The following HECW2 variants were observed in gnomAD, a reference collection of about 807,000 sequenced individuals.
HECW2 encodes HECT, C2 and WW domain containing E3 ubiquitin protein ligase 2.
A neutral mutation model predicts 175.2 loss-of-function variants in HECW2; 61 were observed. The ratio of observed to expected loss-of-function variants is 0.35; its 90% CI spans 0.28 to 0.43. The LOEUF (loss-of-function observed/expected upper bound fraction) is 0.43, where lower values mean the gene tolerates loss of function less well. Among genes scored for constraint, HECW2 ranks in the 20% least tolerant of loss-of-function variants. The probability of loss-of-function intolerance (pLI) is 1.00; values close to 1 mark genes in which losing one functional copy is unlikely to be tolerated. For synonymous variants in HECW2, 671 were observed against 731.0 expected (o/e 0.92, Z 1.32); for missense variants, 1,524 against 2,000.5 (o/e 0.76, Z 4.54).
At chr2:196,235,051 A>G (rs559447071) in intron 21 of HECW2, among the ~76,000 whole-genome samples, 1 of 152,208 alleles carries the variant, frequency 6.6e-6, no homozygotes, top group South Asian at 2.1e-4. Context: ...TTGGTGATGA[A>G]CTAATCAACT....
chr2:196,455,601 G>A (rs556629843), intron 1 of HECW2, among the ~76,000 whole-genome samples: 57 of 152,206 alleles, frequency 3.7e-4, no homozygotes, highest in South Asian at 3.1e-3. Flanking sequence ...CTTATAAACA[G>A]TCCTTTAAAT....
chr2:196,333,473 G>A (rs1307844307), intron 4 of HECW2, among the ~76,000 whole-genome samples: 2 of 152,128 alleles, frequency 1.3e-5, no homozygotes, highest in African/African-American at 4.8e-5. Context: ...CTGACTACTT[G>A]CCTGTTTCCA....
Position 196,491,367 on chromosome 2 carries a change from TATACAC to T in HECW2, c.-35-57915_-35-57910del, listed in dbSNP as rs1462350356. On this transcript the variant is annotated intron_variant, in intron 1 of 28. Coordinates refer to ENST00000644978, the MANE Select transcript of HECW2 (RefSeq NM_001348768.2). ...TAAAACAAATACAAAATCATATATA[TATACAC>T]ACACACACACACACACACACACACA... Among the ~76,000 whole-genome samples the T allele has an allele frequency of 1.2e-3, 113 of 95,752 alleles. 1 individual carries two copies. Among genetic ancestry groups the T allele is most frequent in the African/African-American group, 3.0e-3 (88 of 29,212 alleles). The allele number at this position is 95,752 out of a possible 152,430, so 62.8% of individuals were successfully genotyped here.
At chr2:196,274,852 C>G (rs1480465486) in intron 15 of HECW2, among the ~76,000 whole-genome samples, 1 of 152,152 alleles carries the variant, frequency 6.6e-6, no homozygotes, top group Non-Finnish European at 1.5e-5. Flanking sequence ...TACCAGAAAA[C>G]TCTAATGTTG....
intron 17 of HECW2, among the ~76,000 whole-genome samples, chr2:196,267,455 C>G (rs1003152552): frequency 4.0e-5 from 6 of 151,804 alleles, no homozygotes; most frequent in African/African-American, 7.3e-5. Context: ...CATGGGGACA[C>G]TACCCATTTT....
intron 1 of HECW2, among the ~76,000 whole-genome samples, chr2:196,464,804 G>A (rs186358117): frequency 6.6e-6 from 1 of 152,300 alleles, no homozygotes; most frequent in Admixed American, 6.5e-5. Flanking sequence ...CACTTTGGGA[G>A]GCCGAGGTGG....
At chr2:196,456,522 G>A (rs1311874644) in intron 1 of HECW2, among the ~76,000 whole-genome samples, 4 of 152,200 alleles carry the variant, frequency 2.6e-5, no homozygotes. Context: ...GTCTTCTGGA[G>A]AAAGGTTGGG....
At chr2:196,280,876 C>A (rs1000716288) in intron 14 of HECW2, among the ~76,000 whole-genome samples, 1 of 152,160 alleles carries the variant, frequency 6.6e-6, no homozygotes, top group African/African-American at 2.4e-5. Context: ...CATATTAGAA[C>A]CAAACCCATA....
At chr2:196,557,006 T>G (rs184308697) in intron 1 of HECW2, among the ~76,000 whole-genome samples, 2 of 152,186 alleles carry the variant, frequency 1.3e-5, no homozygotes, top group Non-Finnish European at 2.9e-5. Flanking sequence ...TATAGAATAA[T>G]AGAGTTTCTG....
At chr2:196,348,251 T>C (rs563393739) in intron 2 of HECW2, among the ~76,000 whole-genome samples, 2 of 152,198 alleles carry the variant, frequency 1.3e-5, no homozygotes, top group Admixed American at 6.5e-5. Context: ...GGCCAACATA[T>C]TTTTTTTCCT....
intron 1 of HECW2, among the ~76,000 whole-genome samples, chr2:196,556,906 T>C (rs1278846789): frequency 2.0e-5 from 3 of 152,214 alleles, no homozygotes; most frequent in Non-Finnish European, 4.4e-5. Flanking sequence ...GCAGTATTCC[T>C]GATTAAGAGT....
In HECW2 at chr2:196,361,840, C is replaced by T. The variant is rs114334611; in HGVS notation, c.293-18076G>A. On this transcript the variant is annotated intron_variant, in intron 2 of 28. Transcript: ENST00000644978. ...ATATAATCCCAAAGGTTTTAAAATC[C>T]ATCAGTCAAATGAGACTTAGGCAGC... 7,464 of 985,236 alleles carry T rather than the reference C, an allele frequency of 7.6e-3. 29 individuals carry two copies. The highest frequency in any genetic ancestry group is 8.4e-3 in the Non-Finnish European group (6,979 of 829,820). 61.0% of individuals were successfully genotyped at this position (985,236 alleles called of 1,614,324 possible).
intron 1 of HECW2, among the ~76,000 whole-genome samples, chr2:196,592,077 CTAAAA>C (rs1691218563): frequency 6.6e-6 from 1 of 152,142 alleles, no homozygotes; most frequent in African/African-American, 2.4e-5. Flanking sequence ...ACTAATTACA[CTAAAA>C]TATTCTTCTT....
intron 2 of HECW2, among the ~76,000 whole-genome samples, chr2:196,406,016 C>T (rs920427603): frequency 3.9e-5 from 6 of 152,106 alleles, no homozygotes; most frequent in Admixed American, 2.0e-4. Flanking sequence ...TCATGGTTTT[C>T]CTCACTGACT....
intron 1 of HECW2, among the ~76,000 whole-genome samples, chr2:196,562,367 T>C (rs564125493): frequency 6.6e-6 from 1 of 152,356 alleles, no homozygotes; most frequent in South Asian, 2.1e-4. Flanking sequence ...GAATTCAGTA[T>C]ACTTTACAGC....
At chr2:196,336,930 C>G (rs1692570226) in intron 3 of HECW2, among the ~76,000 whole-genome samples, 1 of 151,952 alleles carries the variant, frequency 6.6e-6, no homozygotes, top group Admixed American at 6.5e-5. Context: ...ACCACACACG[C>G]TGGTCACTAG....
chr2:196,552,524 C>A (rs1689635571), intron 1 of HECW2, among the ~76,000 whole-genome samples: 2 of 152,210 alleles, frequency 1.3e-5, no homozygotes, highest in South Asian at 4.1e-4. Flanking sequence ...AGCAAAGAAG[C>A]CTTACTATTA....
Position 196,196,835 on chromosome 2 carries a change from TA to T in HECW2, c.*4441del, listed in dbSNP as rs1686707125. 6.6e-6 allele frequency: 1 copy of T among 151,844 alleles called. No homozygotes were observed. Among genetic ancestry groups the T allele is most frequent in the Admixed American group, 6.6e-5 (1 of 15,228 alleles). The allele number at this position is 151,844 out of a possible 1,614,324, so 9.4% of individuals were successfully genotyped here. On this transcript the variant is annotated 3_prime_UTR_variant, in exon 29 of 29. Transcript: ENST00000644978. The stretch of plus-strand genomic sequence containing the variant: ...AACTGCCAGCATGGTGGCTCACACC[TA>T]TAATTACTCCTAGCACTTTGGGAGG...
chr2:196,496,915 A>G (rs1020054181), intron 1 of HECW2, among the ~76,000 whole-genome samples: 13 of 152,184 alleles, frequency 8.5e-5, no homozygotes, highest in Non-Finnish European at 1.5e-4. Context: ...ATGAGTACCT[A>G]GCATTTGCCA....
Sources: gnomAD v4.1 joint callset for allele counts (sites outside exome capture counted in the v4.1 genomes callset) on GRCh38, gnomAD v4.1.1 for gene constraint, MANE v1.5 for transcripts, NCBI Gene and HGNC (gene_info 2026-07-23, HGNC 2026-07-21) for gene names.